Variants in RSU1 observed in about 807,000 individuals in gnomAD.
RSU1 encodes the protein rsu-1.
Under a neutral mutation model 31.1 loss-of-function variants are expected in RSU1, and 26 were observed. The observed-to-expected ratio is 0.84, with a 90% CI of 0.61 to 1.16. The LOEUF (loss-of-function observed/expected upper bound fraction) is 1.16. Among genes scored for constraint, RSU1 ranks in the 50% most tolerant of loss-of-function variants. The pLI is 0.00. For missense variants in RSU1, 320 were observed against 339.1 expected, an observed-to-expected ratio of 0.94 and a Z score of 0.44; for synonymous variants, 164 against 136.3, an observed-to-expected ratio of 1.20 and a Z score of -1.41.
intron 7 of RSU1, among the ~76,000 whole-genome samples, chr10:16,749,122 C>T (rs764121147): frequency 1.3e-5 from 2 of 152,168 alleles, no homozygotes; most frequent in Non-Finnish European, 2.9e-5. Context: ...TGAATGGGTA[C>T]ACGAGACTCA....
At chr10:16,736,100 G>C (rs781288158) in intron 7 of RSU1, among the ~76,000 whole-genome samples, 11 of 152,134 alleles carry the variant, frequency 7.2e-5, no homozygotes, top group South Asian at 2.1e-4. Flanking sequence ...GGAATTTGTG[G>C]GGCAAGGAGG....
intron 8 of RSU1, among the ~76,000 whole-genome samples, chr10:16,647,677 AGTTGGCGGTGATGCTAAGG>A (rs1834597315): frequency 6.6e-6 from 1 of 152,168 alleles, no homozygotes; most frequent in South Asian, 2.1e-4. Flanking sequence ...GGGGAAGAGA[AGTTGGCGGTGATGCTAAGG>A]GTTGTGGCAT....
chr10:16,671,621 GTTTT>G (rs879801350), intron 8 of RSU1, among the ~76,000 whole-genome samples: 1 of 149,242 alleles, frequency 6.7e-6, no homozygotes, highest in African/African-American at 2.5e-5. Context: ...ACTCAAAGGT[GTTTT>G]TTTTTGTTTG....
rs550643377 is a variant in RSU1 at position 16,688,292 on chromosome 10, T to C, written c.731+6731A>G. ...ATCACATATTATGGATAAAATGTGATAATGCATTTTCAACTTTAAAAAAGA... is the reference window on the plus strand; with the variant it reads ...ATCACATATTATGGATAAAATGTGACAATGCATTTTCAACTTTAAAAAAGA... On this transcript the variant is annotated intron_variant, in intron 8 of 8. Coordinates refer to ENST00000345264, the MANE Select transcript of RSU1 (RefSeq NM_012425.4). 3.3e-5 allele frequency among the ~76,000 whole-genome samples: 5 copies of C among 152,248 alleles called. No homozygotes were observed. In the South Asian group the frequency reaches 6.2e-4, roughly 19 times the overall value.
chr10:16,794,316 A>T (rs1474060944), intron 2 of RSU1, among the ~76,000 whole-genome samples: 1 of 152,196 alleles, frequency 6.6e-6, no homozygotes, highest in Non-Finnish European at 1.5e-5. Context: ...GCAGACTTGT[A>T]CCATAAAAGT....
intron 2 of RSU1, among the ~76,000 whole-genome samples, chr10:16,813,620 G>A (rs1433261804): frequency 6.6e-6 from 1 of 152,174 alleles, no homozygotes; most frequent in Non-Finnish European, 1.5e-5. Flanking sequence ...GTAACTTGAG[G>A]ATCAGAGAGG....
intron 8 of RSU1, among the ~76,000 whole-genome samples, chr10:16,615,463 T>C (rs1448654344): frequency 2.0e-5 from 3 of 152,132 alleles, no homozygotes; most frequent in Non-Finnish European, 4.4e-5. Context: ...CTGTCCATAC[T>C]AGACAGATCA....
chr10:16,748,319 C>T (rs1454673061), intron 7 of RSU1: 5 of 152,084 alleles, frequency 3.3e-5, no homozygotes, highest in African/African-American at 9.7e-5. Flanking sequence ...CTGTACTTCT[C>T]GGCTCGTGGC....
intron 4 of RSU1, among the ~76,000 whole-genome samples, chr10:16,761,333 T>C (rs7077576): frequency 0.15 from 22,386 of 152,150 alleles, 4,636 homozygotes; most frequent in African/African-American, 0.46. Flanking sequence ...AGTTGGTTTC[T>C]CCAACTGTAA....
intron 4 of RSU1, among the ~76,000 whole-genome samples, chr10:16,760,859 C>T (rs138355050): frequency 6.0e-4 from 92 of 152,264 alleles, no homozygotes; most frequent in Middle Eastern, 3.4e-3. Flanking sequence ...CTCTTTCATA[C>T]GGAAATATGA....
At chr10:16,684,284 A>G (rs1282510904) in intron 8 of RSU1, among the ~76,000 whole-genome samples, 1 of 152,192 alleles carries the variant, frequency 6.6e-6, no homozygotes, top group East Asian at 1.9e-4. Context: ...CCAGAGTCAG[A>G]TTGGAAAGTA....
intron 8 of RSU1, among the ~76,000 whole-genome samples, chr10:16,607,161 C>T (rs571404071): frequency 6.6e-6 from 1 of 152,280 alleles, no homozygotes; most frequent in East Asian, 1.9e-4. Flanking sequence ...AAGCATGCAG[C>T]ATTGACGCCC....
intron 3 of RSU1, among the ~76,000 whole-genome samples, chr10:16,776,307 A>T (rs11817370): frequency 0.2 from 30,643 of 152,128 alleles, 3,304 homozygotes; most frequent in African/African-American, 0.29. Flanking sequence ...TTATAATATG[A>T]CTTATGGTAG....
chr10:16,620,654 G>A lies in RSU1; in HGVS notation c.732-27158C>T, dbSNP rs184996312. On this transcript the variant is annotated intron_variant, in intron 8 of 8. Coordinates refer to ENST00000345264, the MANE Select transcript of RSU1 (RefSeq NM_012425.4). Reference sequence around the variant, plus strand: ...AAGTCAGGAGATCAAGACCATCATGGCTAACACGGTGAAACCCCGTCTCTA... The same window carrying A: ...AAGTCAGGAGATCAAGACCATCATGACTAACACGGTGAAACCCCGTCTCTA... 4.6e-5 allele frequency among the ~76,000 whole-genome samples: 7 copies of A among 152,112 alleles called. No individual in the cohort carries two copies. In the East Asian group the frequency reaches 1.4e-3, roughly 29 times the overall value.
chr10:16,677,950 C>CACG (rs142444808), intron 8 of RSU1, among the ~76,000 whole-genome samples: 79,626 of 151,376 alleles, frequency 0.53, 21,166 homozygotes, highest in Middle Eastern at 0.61. Context: ...CTGAAACACA[C>CACG]ACGTCATCTT....
intron 8 of RSU1, among the ~76,000 whole-genome samples, chr10:16,685,362 G>C (rs1835422725): frequency 6.6e-6 from 1 of 152,186 alleles, no homozygotes; most frequent in Admixed American, 6.5e-5. Flanking sequence ...AGAATTCAGG[G>C]CGAGTCCACA....
intron 7 of RSU1, among the ~76,000 whole-genome samples, chr10:16,743,275 G>A (rs1273508475): frequency 6.6e-6 from 1 of 152,106 alleles, no homozygotes; most frequent in Non-Finnish European, 1.5e-5. Flanking sequence ...TATACCATTG[G>A]GAGGAATGCT....
intron 8 of RSU1, among the ~76,000 whole-genome samples, chr10:16,661,533 A>G (rs1007504709): frequency 1.3e-5 from 2 of 152,178 alleles, no homozygotes; most frequent in African/African-American, 2.4e-5. Flanking sequence ...CCCATCCAAC[A>G]TTAAGCTTAT....
chr10:16,656,200 A>C (rs763320486), intron 8 of RSU1, among the ~76,000 whole-genome samples: 3 of 152,196 alleles, frequency 2.0e-5, no homozygotes, highest in Admixed American at 1.3e-4. Context: ...GAAAACTATT[A>C]ATATTTGACA....
Sources: gnomAD v4.1 joint callset for allele counts (sites outside exome capture counted in the v4.1 genomes callset) on GRCh38, gnomAD v4.1.1 for gene constraint, MANE v1.5 for transcripts, NCBI Gene and HGNC (gene_info 2026-07-23, HGNC 2026-07-21) for gene names.